Variants in FAM120C observed in about 807,000 individuals in gnomAD.
The protein encoded by FAM120C is family with sequence similarity 120 member C.
Under a neutral mutation model 71.2 loss-of-function variants are expected in FAM120C, and 14 were observed. The ratio of observed to expected loss-of-function variants is 0.20; its 90% CI spans 0.13 to 0.31. The LOEUF (loss-of-function observed/expected upper bound fraction) is 0.31. FAM120C is among the 10% of genes least tolerant of loss of function. The pLI, the probability that FAM120C is intolerant of heterozygous loss-of-function variation, is 1.00. For missense variants in FAM120C, 500 were observed against 879.0 expected (o/e 0.57, Z 5.45); for synonymous variants, 354 against 353.2 (o/e 1.00, Z -0.03).
intron 4 of FAM120C, among the ~76,000 whole-genome samples, chrX:54,142,756 A>G (rs1278766290): frequency 4.5e-5 from 5 of 111,910 alleles, no homozygotes; most frequent in African/African-American, 1.3e-4. Context: ...CCCCCAGCAC[A>G]GAGTTTGAGA....
intron 15 of FAM120C, among the ~76,000 whole-genome samples, chrX:54,079,571 G>A (rs1046765166): frequency 7.1e-5 from 8 of 112,534 alleles, no homozygotes; most frequent in Non-Finnish European, 9.4e-5. Context: ...GCCGAGGCGA[G>A]TGGATTGCCT....
chrX:54,182,571 G>T lies in FAM120C; in HGVS notation c.628C>A (p.Arg210=). The T allele has an allele frequency of 8.3e-7, 1 of 1,209,795 alleles. No homozygotes were observed. The change falls in exon 1 of 16, where the codon CGG becomes AGG. Residue 210 remains arginine, a synonymous_variant. Coordinates refer to ENST00000375180, the MANE Select transcript of FAM120C (RefSeq NM_017848.6). The part of the protein sequence containing the change: ...HVGNKGTPPP[R]AWFLPPACLS... ...CAGGCCGGTGGCAGGAACCAGGCCC[G>T]CGGTGGAGGGGTGCCCTTGTTGCCC... is the stretch of plus-strand genomic sequence containing the variant.
chrX:54,167,348 T>C (rs1372837475), intron 1 of FAM120C, among the ~76,000 whole-genome samples: 1 of 111,797 alleles, frequency 8.9e-6, no homozygotes, highest in African/African-American at 3.3e-5. Flanking sequence ...AACCTTGCAA[T>C]TTTCCAGGAG....
intron 10 of FAM120C, among the ~76,000 whole-genome samples, chrX:54,097,918 G>A (rs1474980744): frequency 9.0e-6 from 1 of 110,884 alleles, no homozygotes; most frequent in African/African-American, 3.3e-5. Context: ...AGTAGAGACG[G>A]GGTTTGACCG....
In FAM120C at chrX:54,091,443, C is replaced by A. The variant is rs2066824027; in HGVS notation, c.2313-17G>T. On this transcript the variant is annotated splice_polypyrimidine_tract_variant and intron_variant, in intron 10 of 15. Coordinates refer to ENST00000375180, the MANE Select transcript of FAM120C (RefSeq NM_017848.6). ...ACCATGTACCTAGAAAATAAAAGCACTGTTATTAGGCCACAAAAGCTCACT... is the reference window on the plus strand; with the variant it reads ...ACCATGTACCTAGAAAATAAAAGCAATGTTATTAGGCCACAAAAGCTCACT... 9.0e-7 allele frequency: 1 copy of A among 1,116,296 alleles called. No homozygotes were observed. Among genetic ancestry groups the A allele is most frequent in the African/African-American group, 1.8e-5 (1 of 55,641 alleles). 92.0% of individuals were successfully genotyped at this position (1,116,296 alleles called of 1,213,427 possible). A position where few individuals can be genotyped will look rare whatever the true frequency, so the allele number is the denominator to read the frequency against.
At chrX:54,083,135 A>G (rs1169443063) in intron 13 of FAM120C, among the ~76,000 whole-genome samples, 1 of 109,356 alleles carries the variant, frequency 9.1e-6, no homozygotes, top group Non-Finnish European at 1.9e-5. Context: ...AAAAAAAAAA[A>G]GCAAGAACAG....
chrX:54,141,740 G>A (rs2067126939), intron 4 of FAM120C, among the ~76,000 whole-genome samples: 1 of 110,836 alleles, frequency 9.0e-6, no homozygotes, highest in Non-Finnish European at 1.9e-5. Flanking sequence ...AAAACTCCTA[G>A]AAGTAATAAG....
intron 1 of FAM120C, among the ~76,000 whole-genome samples, chrX:54,178,041 A>G (rs781953222): frequency 1.2e-4 from 13 of 112,272 alleles, no homozygotes; most frequent in Non-Finnish European, 2.3e-4. Context: ...GGGAATGGGA[A>G]TTAATACAAT....
intron 10 of FAM120C, among the ~76,000 whole-genome samples, chrX:54,094,980 T>C (rs781984801): frequency 3.6e-5 from 4 of 109,825 alleles, no homozygotes; most frequent in Non-Finnish European, 1.9e-5. Flanking sequence ...GGAGAGAGAA[T>C]TGCTTGAGCC....
chrX:54,158,194 CTT>C (rs2067219452), intron 2 of FAM120C, among the ~76,000 whole-genome samples: 1 of 112,337 alleles, frequency 8.9e-6, no homozygotes, highest in South Asian at 3.7e-4. Context: ...ATTTTGTACA[CTT>C]TATTTCATTT....
intron 1 of FAM120C, among the ~76,000 whole-genome samples, chrX:54,176,432 CAAA>C (rs1197918401): frequency 1.4e-4 from 5 of 36,405 alleles, no homozygotes; most frequent in Admixed American, 3.2e-4. Context: ...GACTCTGTCT[CAAA>C]AAAAAAAAAA....
At chrX:54,096,217 C>T (rs952993515) in intron 10 of FAM120C, among the ~76,000 whole-genome samples, 203 of 107,752 alleles carry the variant, frequency 1.9e-3, no homozygotes, top group African/African-American at 6.3e-3. Context: ...TTTAGGCCAG[C>T]GTGACCAACA....
At chrX:54,148,571 C>T (rs151237537) in intron 4 of FAM120C, among the ~76,000 whole-genome samples, 2,176 of 111,640 alleles carry the variant, frequency 0.019, 22 homozygotes, top group Middle Eastern at 0.075. Flanking sequence ...TGCTCAAGCC[C>T]GGGAGGCGGA....
intron 1 of FAM120C, among the ~76,000 whole-genome samples, chrX:54,169,357 A>G (rs2067275650): frequency 9.0e-6 from 1 of 111,723 alleles, no homozygotes; most frequent in Admixed American, 9.6e-5. Context: ...AAACTGGAAA[A>G]GTGGGCATAA....
intron 1 of FAM120C, among the ~76,000 whole-genome samples, chrX:54,179,815 A>C (rs2067337977): frequency 8.9e-6 from 1 of 111,975 alleles, no homozygotes; most frequent in Non-Finnish European, 1.9e-5. Context: ...AAAAGATCAG[A>C]GTTTGTTTAT....
At chrX:54,145,898 G>A (rs1488292486) in intron 4 of FAM120C, among the ~76,000 whole-genome samples, 2 of 112,077 alleles carry the variant, frequency 1.8e-5, no homozygotes, top group African/African-American at 6.5e-5. Flanking sequence ...CAAAGACTTG[G>A]AACCAACCCA....
At chrX:54,178,081 G>T (rs2067327781) in intron 1 of FAM120C, among the ~76,000 whole-genome samples, 1 of 111,941 alleles carries the variant, frequency 8.9e-6, no homozygotes, top group African/African-American at 3.2e-5. Context: ...GGTGAATAGG[G>T]AAGAAAGGAG....
rs1285678135 is a variant in FAM120C at position 54,091,397 on chromosome X, A to G, written c.2342T>C (p.Ile781Thr). 2 of 1,208,478 alleles carry G rather than the reference A, an allele frequency of 1.7e-6. No homozygotes were observed. Among genetic ancestry groups the G allele is most frequent in the African/African-American group, 3.5e-5 (2 of 57,395 alleles). Reference sequence around the variant, plus strand: ...GGTGTCTAGCTCATGGCGATGCAGGATTCGGCCACCAGGCCACTGAACCAT... The same window carrying G: ...GGTGTCTAGCTCATGGCGATGCAGGGTTCGGCCACCAGGCCACTGAACCAT... ...RYMVQWPGGR[I>T]LHRHELDTFL... is the part of the protein sequence containing the mutation. The change falls in exon 11 of 16, where the codon ATC becomes ACC. Residue 781 changes from isoleucine (I) to threonine (T), a missense_variant. By Grantham distance (89) the Ile-to-Thr change is moderately conservative. Transcript: ENST00000375180.
intron 15 of FAM120C, 131 bp from the exon 16 acceptor site, chrX:54,073,418 G>T: frequency 1.7e-6 from 1 of 597,511 alleles, no homozygotes; most frequent in Non-Finnish European, 2.4e-6. Flanking sequence ...CAAGCTGGTT[G>T]ACAACTAGTA....
Sources: allele counts gnomAD v4.1 joint callset (sites outside exome capture counted in the v4.1 genomes callset), GRCh38; gene constraint gnomAD v4.1.1; transcripts MANE v1.5; gene names NCBI Gene and HGNC (gene_info 2026-07-23, HGNC 2026-07-21).